Variants in TMEM161A observed in about 807,000 individuals in gnomAD.
TMEM161A encodes the protein adaptive response to oxidative stress protein 29.
Under a neutral mutation model 57.1 loss-of-function variants are expected in TMEM161A, and 46 were observed. That is an observed-to-expected ratio of 0.81 (90% CI 0.64 to 1.03). The LOEUF is 1.03. Among genes scored for constraint, TMEM161A ranks in the 50% least tolerant of loss-of-function variants. TMEM161A has a pLI of 0.00. For synonymous variants in TMEM161A, 288 were observed against 279.0 expected (o/e 1.03, Z -0.32); for missense variants, 601 against 621.5 (o/e 0.97, Z 0.35).
intron 5 of TMEM161A, among the ~76,000 whole-genome samples, chr19:19,131,481 TACACACACACACATATATATATATATAC>T (rs1488269372): frequency 1.5e-5 from 2 of 132,030 alleles, no homozygotes; most frequent in African/African-American, 2.9e-5. Flanking sequence ...TGTACATACA[TACACACACACACATATATATATATATAC>T]ACACACACAC....
At position 19,132,536 on chromosome 19, in the gene TMEM161A, G is replaced by T. The variant is rs371995581; in HGVS notation, c.287-28C>A. The T allele has an allele frequency of 1.1e-5, 17 of 1,607,304 alleles. No homozygotes were observed. In the African/African-American group the frequency reaches 1.9e-4, roughly 18 times the overall value. ...GTGGGGGGCACTCTGCTCAGCCCTGGGGCCCAGCTCGCTCCCCTCCTAATA... is the reference window on the plus strand; with the variant it reads ...GTGGGGGGCACTCTGCTCAGCCCTGTGGCCCAGCTCGCTCCCCTCCTAATA... On this transcript the variant is annotated intron_variant, in intron 4 of 11. Transcript: ENST00000162044. This position sits in a 1 kb window ranked among gnomAD's most constrained non-coding sequence, Gnocchi z 4.3.
chr19:19,135,346 G>T (rs901024471), intron 1 of TMEM161A, among the ~76,000 whole-genome samples: 1 of 152,006 alleles, frequency 6.6e-6, no homozygotes, highest in Non-Finnish European at 1.5e-5. Context: ...GAGCCACTGC[G>T]TCTCGGTTGA....
chr19:19,137,966 C>T (rs749192836), intron 1 of TMEM161A, among the ~76,000 whole-genome samples: 4 of 152,188 alleles, frequency 2.6e-5, no homozygotes, highest in Non-Finnish European at 5.9e-5. Context: ...ACGGCCTCCC[C>T]TGCCCGTTCC....
rs1359994887 is a variant in TMEM161A at position 19,132,369 on chromosome 19, G to A, written c.426C>T (p.Leu142=). 1 of 1,613,628 alleles carries A rather than the reference G, an allele frequency of 6.2e-7. No homozygotes were observed. The highest frequency in any genetic ancestry group is 1.3e-5 in the African/African-American group (1 of 75,052). The stretch of plus-strand genomic sequence containing the variant: ...AAGGATACATGGAGAAGGTCACCGT[G>A]AGCAGGCACCAGAACACAGCAATGT... ...ETNIAVFWCL[L]TVTFSIKMFL... The change falls in exon 5 of 12, where the codon CTC becomes CTT. Residue 142 remains leucine, a synonymous_variant. Coordinates refer to ENST00000162044, the MANE Select transcript of TMEM161A (RefSeq NM_017814.3). This position sits in a 1 kb window ranked among gnomAD's most constrained non-coding sequence, Gnocchi z 4.3.
At chr19:19,123,788 G>A (rs573720357) in intron 6 of TMEM161A, among the ~76,000 whole-genome samples, 43 of 152,268 alleles carry the variant, frequency 2.8e-4, no homozygotes, top group Non-Finnish European at 5.4e-4. Flanking sequence ...TAGGCCAGGC[G>A]CGGTGGCTCA....
chr19:19,126,138 C>A (rs2059930140), intron 6 of TMEM161A, among the ~76,000 whole-genome samples: 1 of 145,508 alleles, frequency 6.9e-6, no homozygotes, highest in Non-Finnish European at 1.5e-5. Flanking sequence ...GCACTCCAGC[C>A]TGGGGGAAAG....
chr19:19,134,484 C>A (rs1568539477), intron 2 of TMEM161A, among the ~76,000 whole-genome samples: 1 of 152,012 alleles, frequency 6.6e-6, no homozygotes, highest in Non-Finnish European at 1.5e-5. Context: ...CACCTGTAGT[C>A]CCAGCTACTC....
rs1427071772 is a variant in TMEM161A, at chr19:19,121,234, G to C, written c.915-68C>G. 1.3e-6 allele frequency: 2 copies of C among 1,550,506 alleles called. No individual in the cohort carries two copies. Among genetic ancestry groups the C allele is most frequent in the Non-Finnish European group, 1.7e-6 (2 of 1,146,396 alleles). On this transcript the variant is annotated intron_variant, in intron 9 of 11. Transcript: ENST00000162044. This position sits in a 1 kb window ranked among gnomAD's most constrained non-coding sequence, Gnocchi z 5.8. The stretch of plus-strand genomic sequence containing the variant: ...CCCGACCCCCCAGGATCTTCCCCAG[G>C]CTCCTCCCTGAATCTCAGAGGCTAG...
chr19:19,120,623 C>T (rs1042459557), intron 11 of TMEM161A, 142 bp downstream of exon 11: 3 of 767,994 alleles, frequency 3.9e-6, no homozygotes, highest in African/African-American at 3.4e-5. Context: ...GCTTCCTGCT[C>T]AGACCCTGCC....
Position 19,132,651 on chromosome 19 carries a change from T to A in TMEM161A, c.286+6A>T. 1 of 1,564,850 alleles carries A rather than the reference T, an allele frequency of 6.4e-7. No homozygotes were observed. Among genetic ancestry groups the A allele is most frequent in the Non-Finnish European group, 8.7e-7 (1 of 1,154,784 alleles). ...GTAGAGTTTAGGGATGGGACTGGGC[T>A]ATTACCCAGGGCATCCACGGTCGTG... On this transcript the variant is annotated splice_donor_region_variant and intron_variant, in intron 4 of 11. Coordinates refer to ENST00000162044, the MANE Select transcript of TMEM161A (RefSeq NM_017814.3). This position sits in a 1 kb window ranked among gnomAD's most constrained non-coding sequence, Gnocchi z 4.3.
intron 6 of TMEM161A, among the ~76,000 whole-genome samples, chr19:19,127,940 A>G (rs144062731): frequency 1.3e-5 from 2 of 152,014 alleles, no homozygotes; most frequent in African/African-American, 4.8e-5. Flanking sequence ...ATCCTGTCTC[A>G]AAAAAAGAAA....
chr19:19,130,870 C>T (rs1486715906), intron 5 of TMEM161A, among the ~76,000 whole-genome samples: 1 of 151,912 alleles, frequency 6.6e-6, no homozygotes, highest in African/African-American at 2.4e-5. Context: ...CTGCAGTGAG[C>T]CCTGATTGCA....
chr19:19,119,945 G>C lies in TMEM161A; in HGVS notation c.1425C>G (p.His475Gln), dbSNP rs2059899011. 1 of 1,558,482 alleles carries C rather than the reference G, an allele frequency of 6.4e-7. No individual in the cohort carries two copies. Among genetic ancestry groups the C allele is most frequent in the Non-Finnish European group, 8.7e-7 (1 of 1,152,454 alleles). Reference protein sequence around the residue: ...ASLFGLYFHQHLAGS With the variant: ...ASLFGLYFHQQLAGS ...CTGCAGGCAGCTAGGAGCCTGCCAA[G>C]TGCTGGTGGAAGTAGAGGCCGAAAA... The change falls in exon 12 of 12, where the codon CAC becomes CAG. Residue 475 changes from histidine to glutamine, a missense_variant. Coordinates refer to ENST00000162044, the MANE Select transcript of TMEM161A (RefSeq NM_017814.3).
intron 1 of TMEM161A, 150 bp from the exon 2 acceptor site, chr19:19,135,037 G>A: frequency 3.3e-6 from 2 of 615,188 alleles, no homozygotes; most frequent in Admixed American, 2.9e-5. Context: ...GGAGAGTCCT[G>A]GGGTGAGTCT....
chr19:19,135,256 T>C (rs1339687736), intron 1 of TMEM161A, among the ~76,000 whole-genome samples: 2 of 152,128 alleles, frequency 1.3e-5, no homozygotes, highest in South Asian at 4.1e-4. Context: ...CACCACCACC[T>C]TCCAGCCCCT....
chr19:19,126,298 C>T (rs561510319), intron 6 of TMEM161A, among the ~76,000 whole-genome samples: 11 of 152,270 alleles, frequency 7.2e-5, no homozygotes, highest in African/African-American at 2.4e-4. Context: ...CTACATTTGA[C>T]GACTCAGCAA....
intron 6 of TMEM161A, among the ~76,000 whole-genome samples, chr19:19,125,577 C>T (rs905988246): frequency 4.1e-5 from 6 of 147,086 alleles, no homozygotes; most frequent in Non-Finnish European, 7.4e-5. Context: ...AGTGCAGTGG[C>T]GCGATCTTGG....
At chr19:19,127,378 G>A (rs896331997) in intron 6 of TMEM161A, among the ~76,000 whole-genome samples, 5 of 148,614 alleles carry the variant, frequency 3.4e-5, no homozygotes, top group African/African-American at 1.2e-4. Flanking sequence ...GGAGTGCAGT[G>A]GCACTATCTA....
intron 6 of TMEM161A, among the ~76,000 whole-genome samples, chr19:19,122,053 G>A (rs965418193): frequency 6.6e-6 from 1 of 152,182 alleles, no homozygotes; most frequent in Non-Finnish European, 1.5e-5. Context: ...AGCACTTTGG[G>A]AGGCTGAGGC....
Sources: gnomAD v4.1 joint callset for allele counts (sites outside exome capture counted in the v4.1 genomes callset) on GRCh38, gnomAD v4.1.1 for gene constraint, Gnocchi (gnomAD v3.1) non-coding constraint, MANE v1.5 for transcripts, NCBI Gene and HGNC (gene_info 2026-07-23, HGNC 2026-07-21) for gene names.